The following CPNE4 variants were observed in gnomAD, a reference collection of about 807,000 sequenced individuals.
CPNE4 encodes copine-4.
A neutral mutation model predicts 67.9 loss-of-function variants in CPNE4; 25 were observed. That is an observed-to-expected ratio of 0.37 (90% CI 0.27 to 0.51). The LOEUF is 0.51. Among genes scored for constraint, CPNE4 ranks in the 20% least tolerant of loss-of-function variants. The pLI is 0.93. For synonymous variants in CPNE4, 242 were observed against 244.9 expected (o/e 0.99, Z 0.11); for missense variants, 464 against 690.8 (o/e 0.67, Z 3.68).
intron 1 of CPNE4, among the ~76,000 whole-genome samples, chr3:132,019,930 G>C (rs935116074): frequency 6.6e-6 from 1 of 152,138 alleles, no homozygotes; most frequent in Admixed American, 6.5e-5. Flanking sequence ...TGCTGGGAAA[G>C]GCCATTTAAA....
intron 8 of CPNE4, among the ~76,000 whole-genome samples, chr3:131,584,693 T>C (rs1030311231): frequency 6.6e-6 from 1 of 152,234 alleles, no homozygotes; most frequent in Admixed American, 6.5e-5. Context: ...CACTGTCCAG[T>C]AGAATTTTCT....
At chr3:131,978,545 T>C (rs1346057026) in intron 1 of CPNE4, among the ~76,000 whole-genome samples, 1 of 92,790 alleles carries the variant, frequency 1.1e-5, no homozygotes, top group East Asian at 2.6e-4. Flanking sequence ...TATATAAATA[T>C]ATATATATAT....
intron 5 of CPNE4, among the ~76,000 whole-genome samples, chr3:131,688,933 C>T (rs114939058): frequency 0.017 from 2,622 of 152,178 alleles, 39 homozygotes; most frequent in African/African-American, 0.044. Flanking sequence ...TTGTTGTATA[C>T]ATATTTACAT....
At chr3:131,579,974 T>C (rs1477880162) in intron 9 of CPNE4, among the ~76,000 whole-genome samples, 2 of 152,204 alleles carry the variant, frequency 1.3e-5, no homozygotes, top group Admixed American at 6.5e-5. Flanking sequence ...AGTTCTGCCA[T>C]GGGCAAAATG....
chr3:131,893,566 CAT>C (rs553169984), intron 2 of CPNE4, among the ~76,000 whole-genome samples: 249 of 152,060 alleles, frequency 1.6e-3, no homozygotes, highest in Non-Finnish European at 3.0e-3. Flanking sequence ...GGATATATCA[CAT>C]GTTAGGCCAT....
At chr3:131,699,382 A>G (rs1447382771) in intron 4 of CPNE4, among the ~76,000 whole-genome samples, 1 of 152,244 alleles carries the variant, frequency 6.6e-6, no homozygotes, top group Non-Finnish European at 1.5e-5. Flanking sequence ...AAATAATCAC[A>G]TGTGGCTAGT....
rs554530838 is a variant in CPNE4, at chr3:131,663,541, C to A, written c.681+6134G>T. Reference sequence around the variant, plus strand: ...AAGGAAAAAAAAAGACAGTATTTCTCAATGTGTGTTTGGCAAATGGCCTGT... The same window carrying A: ...AAGGAAAAAAAAAGACAGTATTTCTAAATGTGTGTTTGGCAAATGGCCTGT... On this transcript the variant is annotated intron_variant, in intron 7 of 15. Transcript: ENST00000429747. 1.8e-4 allele frequency among the ~76,000 whole-genome samples: 28 copies of A among 152,094 alleles called. 1 individual carries two copies. Among genetic ancestry groups the A allele is most frequent in the African/African-American group, 6.7e-4 (28 of 41,496 alleles).
chr3:132,027,104 T>C (rs1473156266), intron 1 of CPNE4, among the ~76,000 whole-genome samples: 1 of 152,220 alleles, frequency 6.6e-6, no homozygotes, highest in Non-Finnish European at 1.5e-5. Context: ...CCAAAAGTTT[T>C]TGAGCAACTA....
At chr3:132,002,570 A>G (rs987953955) in intron 1 of CPNE4, among the ~76,000 whole-genome samples, 1 of 152,140 alleles carries the variant, frequency 6.6e-6, no homozygotes, top group African/African-American at 2.4e-5. Context: ...AAGCATTGAC[A>G]CTTGTCCTCA....
At chr3:131,840,811 G>A (rs1448996667) in intron 2 of CPNE4, among the ~76,000 whole-genome samples, 1 of 152,198 alleles carries the variant, frequency 6.6e-6, no homozygotes, top group Admixed American at 6.5e-5. Flanking sequence ...ACTCAGGGGA[G>A]TCTCAGGTGT....
At chr3:131,984,792 G>A (rs979270343) in intron 1 of CPNE4, among the ~76,000 whole-genome samples, 2 of 152,158 alleles carry the variant, frequency 1.3e-5, no homozygotes, top group Admixed American at 1.3e-4. Context: ...AGTTTCTTCT[G>A]TCTTCTAGGG....
intron 2 of CPNE4, among the ~76,000 whole-genome samples, chr3:131,833,659 A>G (rs1274646791): frequency 1.3e-5 from 2 of 152,238 alleles, no homozygotes; most frequent in African/African-American, 4.8e-5. Flanking sequence ...TGACTGTGCC[A>G]CTGCACTCAA....
chr3:132,027,973 G>T (rs941445915), intron 1 of CPNE4, among the ~76,000 whole-genome samples: 1 of 152,074 alleles, frequency 6.6e-6, no homozygotes, highest in Middle Eastern at 3.2e-3. Flanking sequence ...TAATGGTAAA[G>T]GTTCTTGGTT....
chr3:131,983,548 T>C (rs938976750), intron 1 of CPNE4, among the ~76,000 whole-genome samples: 1 of 152,194 alleles, frequency 6.6e-6, no homozygotes, highest in African/African-American at 2.4e-5. Flanking sequence ...TAGTTATAAT[T>C]AGTTCCAAAA....
chr3:131,654,370 AT>A (rs199766048), intron 7 of CPNE4, among the ~76,000 whole-genome samples: 10 of 151,486 alleles, frequency 6.6e-5, no homozygotes, highest in African/African-American at 1.2e-4. Flanking sequence ...CTAGTACCAA[AT>A]TTTTTTTTAA....
intron 2 of CPNE4, among the ~76,000 whole-genome samples, chr3:131,724,117 T>C (rs1486994018): frequency 6.6e-6 from 1 of 152,158 alleles, no homozygotes; most frequent in Non-Finnish European, 1.5e-5. Context: ...TAGTGATGTC[T>C]GGTGGGCACA....
chr3:131,750,277 C>A (rs919186772), intron 2 of CPNE4, among the ~76,000 whole-genome samples: 6 of 152,122 alleles, frequency 3.9e-5, no homozygotes, highest in African/African-American at 1.4e-4. Flanking sequence ...ACTTCTCAAT[C>A]TTTGTCTTTC....
chr3:131,604,413 G>C (rs1162869505), intron 7 of CPNE4, among the ~76,000 whole-genome samples: 5 of 152,134 alleles, frequency 3.3e-5, no homozygotes, highest in Non-Finnish European at 7.4e-5. Context: ...GTGTCAACTT[G>C]ATTGGGCTGA....
chr3:131,826,571 T>G (rs2085168232), intron 2 of CPNE4, among the ~76,000 whole-genome samples: 1 of 150,184 alleles, frequency 6.7e-6, no homozygotes, highest in South Asian at 2.1e-4. Context: ...TGTTTTTTTG[T>G]TTGTTTGTTT....
Sources: allele counts gnomAD v4.1 joint callset (sites outside exome capture counted in the v4.1 genomes callset), GRCh38; gene constraint gnomAD v4.1.1; transcripts MANE v1.5; gene names NCBI Gene and HGNC (gene_info 2026-07-23, HGNC 2026-07-21).